The following MAF variants were observed in gnomAD, a reference collection of about 807,000 sequenced individuals.
MAF encodes the protein MAF bZIP transcription factor.
Under a neutral mutation model 22.0 loss-of-function variants are expected in MAF, and 10 were observed. That is an observed-to-expected ratio of 0.45 (90% confidence interval 0.28 to 0.77). The LOEUF (loss-of-function observed/expected upper bound fraction) is 0.77. Ranked by LOEUF, MAF falls within the 30% of genes least tolerant of loss-of-function variation. The pLI is 0.12. For synonymous variants in MAF, 337 were observed against 255.8 expected (o/e 1.32, Z -3.03); for missense variants, 544 against 548.4 (o/e 0.99, Z 0.08).
chr16:79,449,692 T>G, the MAF span, among the ~76,000 whole-genome samples: 1 of 152,032 alleles, frequency 6.6e-6, no homozygotes, highest in South Asian at 2.1e-4. Context: ...GTTCCAGAAG[T>G]TTTTCCTTTT....
chr16:79,305,941 C>A, the MAF span, among the ~76,000 whole-genome samples: 3 of 152,188 alleles, frequency 2.0e-5, no homozygotes, highest in African/African-American at 7.2e-5. Context: ...TTGTATTAGA[C>A]CCTGGGCTCC....
the MAF span, among the ~76,000 whole-genome samples, chr16:79,276,709 C>T: frequency 1.9e-4 from 29 of 152,202 alleles, no homozygotes; most frequent in Admixed American, 3.3e-4. Flanking sequence ...ATGGTGATGA[C>T]GACATTGATG....
chr16:79,378,869 A>G, the MAF span, among the ~76,000 whole-genome samples: 1 of 152,342 alleles, frequency 6.6e-6, no homozygotes, highest in East Asian at 1.9e-4. Flanking sequence ...CTGAATTAAC[A>G]TGATTTCTTC....
chr16:79,243,585 A>T, the MAF span, among the ~76,000 whole-genome samples: 1 of 151,968 alleles, frequency 6.6e-6, no homozygotes, highest in African/African-American at 2.4e-5. Context: ...TAGCCTACCA[A>T]CGAAAAAAAG....
chr16:79,262,909 T>C, the MAF span, among the ~76,000 whole-genome samples: 1 of 152,174 alleles, frequency 6.6e-6, no homozygotes, highest in Non-Finnish European at 1.5e-5. Flanking sequence ...GGCATCTTAT[T>C]CTCTCATAAT....
At chr16:79,466,746 G>A in the MAF span, among the ~76,000 whole-genome samples, 1 of 152,244 alleles carries the variant, frequency 6.6e-6, no homozygotes, top group Non-Finnish European at 1.5e-5. Context: ...ACCACCTAAT[G>A]TGGTACCTTT....
At chr16:79,445,724 C>A in the MAF span, among the ~76,000 whole-genome samples, 1 of 152,208 alleles carries the variant, frequency 6.6e-6, no homozygotes, top group African/African-American at 2.4e-5. Context: ...TTGCATCAGA[C>A]GCTCCCTCAT....
At chr16:79,269,704 G>A in the MAF span, among the ~76,000 whole-genome samples, 3 of 152,274 alleles carry the variant, frequency 2.0e-5, no homozygotes, top group East Asian at 1.9e-4. Context: ...TGACTTCAAG[G>A]TCGGGGGCTG....
the MAF span, among the ~76,000 whole-genome samples, chr16:79,291,080 G>C: frequency 6.6e-6 from 1 of 152,140 alleles, no homozygotes; most frequent in Non-Finnish European, 1.5e-5. Context: ...ATCTCCCATA[G>C]GACCCATTAC....
At chr16:79,286,545 C>T in the MAF span, among the ~76,000 whole-genome samples, 77 of 152,196 alleles carry the variant, frequency 5.1e-4, no homozygotes, top group Non-Finnish European at 8.8e-4. Context: ...TGCATGCACA[C>T]GTGTATATGT....
the MAF span, among the ~76,000 whole-genome samples, chr16:79,472,723 T>C: frequency 7.2e-5 from 11 of 152,054 alleles, no homozygotes; most frequent in Non-Finnish European, 1.2e-4. Context: ...TCTATACATA[T>C]ACAAAAGCCC....
the MAF span, among the ~76,000 whole-genome samples, chr16:79,221,698 AGTGTATGTGATT>A: frequency 2.6e-5 from 4 of 151,992 alleles, no homozygotes; most frequent in East Asian, 7.7e-4. Flanking sequence ...CATGTGCATG[AGTGTATGTGATT>A]GTGTATGTGT....
chr16:79,365,056 A>T, the MAF span, among the ~76,000 whole-genome samples: 1 of 152,258 alleles, frequency 6.6e-6, no homozygotes, highest in East Asian at 1.9e-4. Context: ...AACTTAGTTG[A>T]TGGTTTCTGA....
the MAF span, among the ~76,000 whole-genome samples, chr16:79,296,335 C>A: frequency 6.6e-6 from 1 of 152,154 alleles, no homozygotes; most frequent in African/African-American, 2.4e-5. Flanking sequence ...TACATGGACA[C>A]AGGGAGGGGA....
At chr16:79,411,123 C>T in the MAF span, among the ~76,000 whole-genome samples, 6,672 of 152,164 alleles carry the variant, frequency 0.044, 448 homozygotes, top group African/African-American at 0.15. Flanking sequence ...ATTTTAGTTT[C>T]CACTCCCCAG....
At chr16:79,382,512 T>C in the MAF span, among the ~76,000 whole-genome samples, 1 of 152,254 alleles carries the variant, frequency 6.6e-6, no homozygotes, top group African/African-American at 2.4e-5. Flanking sequence ...TAATTTTAAC[T>C]AATTTAAATT....
the MAF span, among the ~76,000 whole-genome samples, chr16:79,539,262 G>A: frequency 1.3e-5 from 2 of 152,190 alleles, no homozygotes; most frequent in Non-Finnish European, 2.9e-5. Context: ...CCAGCACTTC[G>A]GGAGGCCGAG....
At chr16:79,562,814 A>T in the MAF span, among the ~76,000 whole-genome samples, 1 of 152,308 alleles carries the variant, frequency 6.6e-6, no homozygotes, top group Admixed American at 6.5e-5. Context: ...CCACCCAGGA[A>T]GTGGGTCTGG....
At chr16:79,492,949 T>C in the MAF span, among the ~76,000 whole-genome samples, 2 of 145,996 alleles carry the variant, frequency 1.4e-5, no homozygotes, top group Admixed American at 7.0e-5. Flanking sequence ...GCTGGTTACA[T>C]GGATGTTTTC....
Sources: gnomAD v4.1 joint callset for allele counts (sites outside exome capture counted in the v4.1 genomes callset) on GRCh38, gnomAD v4.1.1 for gene constraint, MANE v1.5 for transcripts, NCBI Gene and HGNC (gene_info 2026-07-23, HGNC 2026-07-21) for gene names.